GCSAML: variants seen among roughly 807,000 people sequenced by gnomAD.
The protein encoded by GCSAML is germinal center associated signaling and motility like.
In GCSAML, 9 loss-of-function variants were observed where a neutral mutation model predicts 13.0. The observed-to-expected ratio is 0.69, with a 90% CI of 0.42 to 1.21. The LOEUF (loss-of-function observed/expected upper bound fraction) is 1.21. Ranked by LOEUF, GCSAML falls within the 50% of genes most tolerant of loss-of-function variation. The pLI is 0.00. For missense variants in GCSAML, 143 were observed against 153.4 expected (o/e 0.93, Z 0.36); for synonymous variants, 37 against 52.9 (o/e 0.70, Z 1.31).
chr1:247,574,404 C>A lies in GCSAML; in HGVS notation c.*22C>A. The A allele has an allele frequency of 6.2e-7, 1 of 1,611,380 alleles. No individual in the cohort carries two copies. The highest frequency in any genetic ancestry group is 1.7e-4 in the Middle Eastern group (1 of 6,046). On this transcript the variant is annotated 3_prime_UTR_variant, in exon 5 of 5. Transcript: ENST00000366488. ...CTAAAATCCTCAAGCTGCTTTATCA[C>A]CTTCCAGCAATGAAGACAATGCAGA... is the stretch of plus-strand genomic sequence containing the variant.
intron 1 of GCSAML, among the ~76,000 whole-genome samples, chr1:247,550,360 G>A (rs1333845938): frequency 2.0e-5 from 3 of 152,168 alleles, no homozygotes; most frequent in African/African-American, 7.2e-5. Flanking sequence ...AAGGGTGGCT[G>A]GGCACGGTGG....
At chr1:247,540,501 A>C (rs1481978382) in intron 2 of GCSAML, among the ~76,000 whole-genome samples, 1 of 152,336 alleles carries the variant, frequency 6.6e-6, no homozygotes, top group East Asian at 1.9e-4. Context: ...AGCATTCTAC[A>C]TGCTTATTTT....
At chr1:247,543,158 T>C (rs1333869957) in intron 2 of GCSAML, among the ~76,000 whole-genome samples, 2 of 152,232 alleles carry the variant, frequency 1.3e-5, no homozygotes, top group East Asian at 1.9e-4. Context: ...ATAATATAAG[T>C]AATTGTCTCT....
At chr1:247,515,972 G>A (rs1309333363) in intron 1 of GCSAML, among the ~76,000 whole-genome samples, 4 of 152,284 alleles carry the variant, frequency 2.6e-5, no homozygotes, top group South Asian at 2.1e-4. Context: ...GTTGGTTGAG[G>A]GGGGAGGAGA....
At chr1:247,560,403 T>A (rs1412009118) in intron 2 of GCSAML, among the ~76,000 whole-genome samples, 2 of 152,224 alleles carry the variant, frequency 1.3e-5, no homozygotes, top group African/African-American at 4.8e-5. Flanking sequence ...TTGGATCGTA[T>A]CTTTCTCCTC....
At chr1:247,547,775 T>C (rs562245846), upstream of GCSAML, among the ~76,000 whole-genome samples, 2 of 152,274 alleles carry the variant, frequency 1.3e-5, no homozygotes, top group South Asian at 2.1e-4. Context: ...GGGAACTTGT[T>C]AGAAAGGCAA....
At chr1:247,532,145 G>A (rs748026290) in intron 2 of GCSAML, 14 of 1,613,952 alleles carry the variant, frequency 8.7e-6, no homozygotes, top group South Asian at 5.5e-5. Context: ...GCAGCGTAGC[G>A]GTCATAGGAC....
intron 2 of GCSAML, chr1:247,531,626 T>C (rs1666960574): frequency 6.2e-7 from 1 of 1,613,998 alleles, no homozygotes; most frequent in African/African-American, 1.3e-5. Context: ...TTCACCTCCG[T>C]GTTCCTCAGG....
intron 2 of GCSAML, among the ~76,000 whole-genome samples, chr1:247,541,287 A>G (rs1667403224): frequency 6.6e-6 from 1 of 152,214 alleles, no homozygotes; most frequent in African/African-American, 2.4e-5. Flanking sequence ...TTTCCCAGCA[A>G]CTGAGCTTCT....
intron 3 of GCSAML, among the ~76,000 whole-genome samples, chr1:247,564,530 C>T (rs1033988979): frequency 2.6e-5 from 4 of 152,114 alleles, no homozygotes; most frequent in Admixed American, 6.5e-5. Flanking sequence ...TTTATTTTTA[C>T]CCCTAACTTT....
rs1572302590 is a variant in GCSAML, at chr1:247,527,249, G to A, written c.-148+195G>A. 2.7e-6 allele frequency: 1 copy of A among 372,662 alleles called. No individual in the cohort carries two copies. Among genetic ancestry groups the A allele is most frequent in the East Asian group, 7.2e-5 (1 of 13,836 alleles). 23.1% of individuals were successfully genotyped at this position (372,662 alleles called of 1,614,324 possible). ...GGGGCTGATGGATGGTCAGGGCAAA[G>A]CACAGTGCTGTCCTCATGGTTCTGG... On this transcript the variant is annotated intron_variant, in intron 2 of 5. Transcript: ENST00000366489. This position sits in a 1 kb window ranked among gnomAD's most constrained non-coding sequence, Gnocchi z 4.6.
In GCSAML at chr1:247,558,905, C is replaced by T. The variant is rs1230774933; in HGVS notation, c.89+2439C>T. Among the ~76,000 whole-genome samples, 3 of 151,018 alleles carry T rather than the reference C, an allele frequency of 2.0e-5. No individual in the cohort carries two copies. The East Asian group carries it at 5.8e-4, about 29-fold the overall frequency. ...ATATAATTTAAATTTTATTTGTTACCAGTATCTGTGTGGTCTGTGTTATTT... is the reference window on the plus strand; with the variant it reads ...ATATAATTTAAATTTTATTTGTTACTAGTATCTGTGTGGTCTGTGTTATTT... On this transcript the variant is annotated intron_variant, in intron 2 of 4. Coordinates refer to ENST00000366488, the MANE Select transcript of GCSAML (RefSeq NM_145278.5).
intron 4 of GCSAML, among the ~76,000 whole-genome samples, chr1:247,572,333 T>C (rs1052423226): frequency 6.6e-6 from 1 of 152,226 alleles, no homozygotes; most frequent in African/African-American, 2.4e-5. Flanking sequence ...TTCATCTTTG[T>C]GGATTTATCT....
chr1:247,548,971 C>G (rs956764233), upstream of GCSAML: 12 of 1,169,702 alleles, frequency 1.0e-5, no homozygotes, highest in African/African-American at 1.2e-4. This position sits in a 1 kb window ranked among gnomAD's most constrained non-coding sequence, Gnocchi z 5.3. Flanking sequence ...TGCGTGCAGG[C>G]ACACACACGC....
At chr1:247,570,033 C>T (rs1668539065) in intron 4 of GCSAML, among the ~76,000 whole-genome samples, 1 of 152,130 alleles carries the variant, frequency 6.6e-6, no homozygotes, top group African/African-American at 2.4e-5. Context: ...GTTTGTATTT[C>T]TGTGGAATCA....
At chr1:247,544,648 A>G (rs566404415), upstream of GCSAML, among the ~76,000 whole-genome samples, 21 of 152,266 alleles carry the variant, frequency 1.4e-4, no homozygotes, top group African/African-American at 5.1e-4. Context: ...CATGGCAAAC[A>G]TGGAAACATG....
At chr1:247,529,790 TA>T (rs1666843134) in intron 2 of GCSAML, 1 of 151,394 alleles carries the variant, frequency 6.6e-6, no homozygotes, top group Non-Finnish European at 1.5e-5. Flanking sequence ...TAAAGCAGAT[TA>T]CCCTTTATAA....
intron 1 of GCSAML, among the ~76,000 whole-genome samples, chr1:247,515,346 G>A (rs1476928041): frequency 6.6e-6 from 1 of 152,184 alleles, no homozygotes; most frequent in Non-Finnish European, 1.5e-5. Flanking sequence ...TTGTTGCACT[G>A]CAACAGTAAC....
chr1:247,563,308 T>C (rs1206777185), intron 2 of GCSAML, among the ~76,000 whole-genome samples: 3 of 152,208 alleles, frequency 2.0e-5, no homozygotes, highest in East Asian at 3.8e-4. Context: ...TTCATTATAT[T>C]ATATGTATGT....
Sources: gnomAD v4.1 joint callset for allele counts (sites outside exome capture counted in the v4.1 genomes callset) on GRCh38, gnomAD v4.1.1 for gene constraint, Gnocchi (gnomAD v3.1) non-coding constraint, MANE v1.5 for transcripts, NCBI Gene and HGNC (gene_info 2026-07-23, HGNC 2026-07-21) for gene names.